The following MED23 variants were observed in gnomAD, a reference collection of about 807,000 sequenced individuals.
MED23 encodes the protein mediator of RNA polymerase II transcription subunit 23.
MED23 carries 105 observed loss-of-function variants against 163.9 expected under a neutral mutation model. That is an observed-to-expected ratio of 0.64 (90% CI 0.55 to 0.75). The LOEUF (loss-of-function observed/expected upper bound fraction) is 0.75, where lower values mean the gene tolerates loss of function less well. Ranked by LOEUF, MED23 falls within the 30% of genes least tolerant of loss-of-function variation. The pLI is 0.00. For missense variants in MED23, 1,054 were observed against 1,649.0 expected (o/e 0.64, Z 6.25); for synonymous variants, 561 against 565.6 (o/e 0.99, Z 0.12).
chr6:131,601,037 G>A (rs925246825), intron 17 of MED23, among the ~76,000 whole-genome samples: 2 of 127,408 alleles, frequency 1.6e-5, no homozygotes, highest in Non-Finnish European at 3.1e-5. Flanking sequence ...TAAATCAGCT[G>A]CTTTTTTTTT....
At chr6:131,594,457 T>G (rs141030309) in intron 22 of MED23, 122 bp from the exon 23 acceptor site, 8,637 of 802,252 alleles carry the variant, frequency 0.011, 175 homozygotes, top group Non-Finnish European at 9.8e-3. Context: ...CAACTTCACA[T>G]GCTGGGCAAT....
downstream of MED23, among the ~76,000 whole-genome samples, chr6:131,584,752 G>A (rs1053450802): frequency 2.0e-5 from 3 of 151,586 alleles, no homozygotes; most frequent in African/African-American, 7.3e-5. Context: ...GGAGGACAAA[G>A]AGCTTGAGTC....
At chr6:131,592,047 T>C (rs1356937692) in intron 25 of MED23, 1 of 306,244 alleles carries the variant, frequency 3.3e-6, no homozygotes, top group Non-Finnish European at 6.1e-6. Context: ...TTAAGCACTA[T>C]CTGAAGGAAC....
In MED23 at chr6:131,608,071, A is replaced by G. The variant is rs1468641342; in HGVS notation, c.1078T>C (p.Leu360=). ...CCTTTAATCAGTCCTCGCCCTGCTA[A>G]CTATAAAAGATGTTTAAATACACAT... The part of the protein sequence containing the change: ...PHMVLSLHQK[L]AGRGLIKGRD... Residue 360 remains leucine, a splice_region_variant and synonymous_variant, in exon 12 of 29, where the codon TTA becomes CTA. Coordinates refer to ENST00000368068, the MANE Select transcript of MED23 (RefSeq NM_004830.4). 7 of 1,613,576 alleles carry G rather than the reference A, an allele frequency of 4.3e-6. No individual in the cohort carries two copies. The highest frequency in any genetic ancestry group is 5.9e-6 in the Non-Finnish European group (7 of 1,179,786).
intron 13 of MED23, among the ~76,000 whole-genome samples, chr6:131,606,180 A>G (rs77761903): frequency 6.6e-6 from 1 of 152,334 alleles, no homozygotes; most frequent in East Asian, 1.9e-4. Context: ...TACATTTATA[A>G]AAATTGATAT....
rs1777660183 is a variant in MED23, at chr6:131,628,161, T to A, written c.-112A>T. On this transcript the variant is annotated 5_prime_UTR_variant, in exon 1 of 29. Transcript: ENST00000368068. ...GACCTCTGGAGGAAACCGTAGCTCC[T>A]CGGCGTCGCTTCCTCCCCCAGCGCT... 3 of 1,262,608 alleles carry A rather than the reference T, an allele frequency of 2.4e-6. No individual in the cohort carries two copies. In the Admixed American group the frequency reaches 5.1e-5, roughly 22 times the overall value. The allele number at this position is 1,262,608 out of a possible 1,614,324, so 78.2% of individuals were successfully genotyped here.
chr6:131,581,118 T>A (rs1773897830), intron 30 of MED23: 1 of 1,174,130 alleles, frequency 8.5e-7, no homozygotes, highest in African/African-American at 1.5e-5. Flanking sequence ...TATCAGACAC[T>A]GTGACTCAAA....
At chr6:131,599,152 C>T (rs984670004) in intron 18 of MED23, among the ~76,000 whole-genome samples, 1 of 152,188 alleles carries the variant, frequency 6.6e-6, no homozygotes, top group African/African-American at 2.4e-5. Flanking sequence ...CCAACACCAG[C>T]GGTATCAGCA....
rs369178622 is a variant in MED23 at position 131,625,007 on chromosome 6, G to T, written c.160-18C>A. On this transcript the variant is annotated intron_variant, in intron 3 of 28. Coordinates refer to ENST00000368068, the MANE Select transcript of MED23 (RefSeq NM_004830.4). ...TGAGACTCCTGGAAAATGAGAGAAT[G>T]ATTTTACTTGGGGTCTAAAGTTACA... 3.7e-6 allele frequency: 6 copies of T among 1,612,364 alleles called. No homozygotes were observed. The African/African-American group carries it at 6.7e-5, about 18-fold the overall frequency.
At chr6:131,605,832 C>T (rs1016024464) in intron 13 of MED23, among the ~76,000 whole-genome samples, 3 of 152,172 alleles carry the variant, frequency 2.0e-5, no homozygotes, top group African/African-American at 7.2e-5. Context: ...ACAATGTCTT[C>T]ATTACAGATA....
rs749043086 is a variant in MED23 at position 131,581,222 on chromosome 6, G to A, written c.4095+6487C>T. 210 of 1,613,662 alleles carry A rather than the reference G, an allele frequency of 1.3e-4. No individual in the cohort carries two copies. The highest frequency in any genetic ancestry group is 1.7e-4 in the Non-Finnish European group (206 of 1,179,758). On this transcript the variant is annotated intron_variant, in intron 30 of 30. Transcript: ENST00000354577. ...CACAAAATTTTTTCCCCAAAAGTTTGGCAATTGGAAGCATCTCTGGCCATG... is the reference window on the plus strand; with the variant it reads ...CACAAAATTTTTTCCCCAAAAGTTTAGCAATTGGAAGCATCTCTGGCCATG...
In MED23 at chr6:131,594,399, T is replaced by C. The variant is rs868182222; in HGVS notation, c.2996-64A>G. ...GTTACTAATAACTGTGAAAAACTGA[T>C]CAACTGCTTTCCAGATAACTGAAAA... On this transcript the variant is annotated intron_variant, in intron 22 of 28. Transcript: ENST00000368068. 25 of 1,223,150 alleles carry C rather than the reference T, an allele frequency of 2.0e-5. No individual in the cohort carries two copies. In the Middle Eastern group the frequency reaches 1.1e-3, roughly 55 times the overall value. 75.8% of individuals were successfully genotyped at this position (1,223,150 alleles called of 1,614,324 possible). A position where few individuals can be genotyped will look rare whatever the true frequency, so the allele number is the denominator to read the frequency against.
At chr6:131,578,132 G>A (rs17657775) in intron 30 of MED23, among the ~76,000 whole-genome samples, 4,881 of 149,706 alleles carry the variant, frequency 0.033, 110 homozygotes, top group Middle Eastern at 0.063. Context: ...TCATTGACCC[G>A]CACAGTTAAA....
intron 14 of MED23, 28 bp from the exon 15 acceptor site, chr6:131,604,348 A>C: frequency 6.2e-7 from 1 of 1,612,084 alleles, no homozygotes; most frequent in South Asian, 1.1e-5. Flanking sequence ...GAAGAAAATA[A>C]AAATCCATAT....
intron 4 of MED23, 64 bp downstream of exon 4, chr6:131,624,801 A>G: frequency 6.3e-6 from 10 of 1,578,618 alleles, no homozygotes; most frequent in Non-Finnish European, 7.8e-6. Context: ...CAACAACCTC[A>G]ACCAATTTCC....
Position 131,598,767 on chromosome 6 carries a change from A to G in MED23, c.2221-6T>C, listed in dbSNP as rs748867911. 3 of 1,612,710 alleles carry G rather than the reference A, an allele frequency of 1.9e-6. No homozygotes were observed. In the South Asian group the frequency reaches 3.3e-5, roughly 18 times the overall value. On this transcript the variant is annotated splice_region_variant and splice_polypyrimidine_tract_variant and intron_variant, in intron 18 of 28. Transcript: ENST00000368068. The surrounding 1 kb of genome is among the most constrained non-coding windows in gnomAD (Gnocchi z 4.7). ...TTATTTTGTTTGAAGAATGCCTAAA[A>G]AGAGGATTAGAAGTTTATTTCATTG...
At chr6:131,623,160 T>A (rs1777232614) in intron 5 of MED23, among the ~76,000 whole-genome samples, 191 bp downstream of exon 5, 1 of 152,208 alleles carries the variant, frequency 6.6e-6, no homozygotes, top group African/African-American at 2.4e-5. Context: ...TTTATAAGAA[T>A]GTTGGGAGGG....
chr6:131,627,302 A>C (rs928436283), intron 3 of MED23, 94 bp downstream of exon 3: 1 of 889,594 alleles, frequency 1.1e-6, no homozygotes, highest in African/African-American at 1.7e-5. Flanking sequence ...GAAGATCTTA[A>C]GAGCAGCATG....
intron 1 of MED23, 109 bp downstream of exon 1, chr6:131,627,901 TA>T: frequency 1.4e-6 from 2 of 1,407,364 alleles, no homozygotes; most frequent in Non-Finnish European, 2.0e-6. Context: ...AACAAGGGAA[TA>T]AAAAGGGAGG....
Sources: allele counts gnomAD v4.1 joint callset (sites outside exome capture counted in the v4.1 genomes callset), GRCh38; gene constraint gnomAD v4.1.1; non-coding constraint Gnocchi (gnomAD v3.1); transcripts MANE v1.5; gene names NCBI Gene and HGNC (gene_info 2026-07-23, HGNC 2026-07-21).